Variants in TMEM182 observed in about 807,000 individuals in gnomAD.
The protein encoded by TMEM182 is transmembrane protein 182.
TMEM182 carries 20 observed loss-of-function variants against 26.8 expected under a neutral mutation model. That is an observed-to-expected ratio of 0.75 (90% confidence interval 0.53 to 1.09). TMEM182 has a LOEUF of 1.09. Among genes scored for constraint, TMEM182 ranks in the 50% least tolerant of loss-of-function variants. TMEM182 has a pLI of 0.00. For missense variants in TMEM182, 277 were observed against 275.5 expected, an observed-to-expected ratio of 1.01 and a Z score of -0.04; for synonymous variants, 109 against 102.2, an observed-to-expected ratio of 1.07 and a Z score of -0.40.
intron 3 of TMEM182, among the ~76,000 whole-genome samples, chr2:102,826,078 A>G (rs1683025283): frequency 6.6e-6 from 1 of 152,138 alleles, no homozygotes; most frequent in Non-Finnish European, 1.5e-5. Context: ...CTGGCCACTC[A>G]CTGAGATTTA....
intron 3 of TMEM182, among the ~76,000 whole-genome samples, chr2:102,788,874 G>A (rs1019055268): frequency 6.6e-6 from 1 of 152,198 alleles, no homozygotes; most frequent in African/African-American, 2.4e-5. Flanking sequence ...GGGCCACGCT[G>A]AGCACTGGAC....
intron 4 of TMEM182, among the ~76,000 whole-genome samples, chr2:102,809,789 A>T (rs1318660785): frequency 2.0e-5 from 3 of 152,210 alleles, no homozygotes; most frequent in African/African-American, 7.2e-5. Context: ...TAAATATTGC[A>T]CTACCTTTAG....
chr2:102,815,288 A>G lies in TMEM182; in HGVS notation c.*320A>G. 1 of 1,033,188 alleles carries G rather than the reference A, an allele frequency of 9.7e-7. No individual in the cohort carries two copies. Among genetic ancestry groups the G allele is most frequent in the Non-Finnish European group, 1.2e-6 (1 of 861,794 alleles). The allele number at this position is 1,033,188 out of a possible 1,614,324, so 64.0% of individuals were successfully genotyped here. On this transcript the variant is annotated 3_prime_UTR_variant, in exon 5 of 5. Coordinates refer to ENST00000412401, the MANE Select transcript of TMEM182 (RefSeq NM_144632.5). ...AATAGCTTAATACCATGACATGGGGAAAATCTCGATAGATTTGGCTTAAAG... is the reference window on the plus strand; with the variant it reads ...AATAGCTTAATACCATGACATGGGGGAAATCTCGATAGATTTGGCTTAAAG...
At chr2:102,795,076 T>C (rs995816737) in intron 3 of TMEM182, among the ~76,000 whole-genome samples, 1 of 152,214 alleles carries the variant, frequency 6.6e-6, no homozygotes, top group East Asian at 1.9e-4. Context: ...ATCCCTGTTT[T>C]ATTATTGAGT....
chr2:102,839,497 G>A (rs1448585502), intron 3 of TMEM182, among the ~76,000 whole-genome samples: 1 of 143,286 alleles, frequency 7.0e-6, no homozygotes, highest in Non-Finnish European at 1.5e-5. Context: ...AATAATTCCT[G>A]TCTATATAGT....
At chr2:102,806,806 G>A (rs1682365928) in intron 4 of TMEM182, among the ~76,000 whole-genome samples, 1 of 152,162 alleles carries the variant, frequency 6.6e-6, no homozygotes, top group South Asian at 2.1e-4. Flanking sequence ...TTTTACCAAT[G>A]AAGAAACTGA....
At chr2:102,755,493 T>C (rs1017436155) in intron 1 of TMEM182, among the ~76,000 whole-genome samples, 1 of 152,176 alleles carries the variant, frequency 6.6e-6, no homozygotes, top group Non-Finnish European at 1.5e-5. Flanking sequence ...CATGAGAGTA[T>C]TACCTCACTG....
At chr2:102,781,415 T>C (rs887427689) in intron 3 of TMEM182, among the ~76,000 whole-genome samples, 1 of 152,100 alleles carries the variant, frequency 6.6e-6, no homozygotes. Flanking sequence ...TTTGTAGGCT[T>C]TTGGATTGCA....
At position 102,816,019 on chromosome 2, in the gene TMEM182, A is replaced by G; in HGVS notation, c.*1051A>G. The G allele has an allele frequency of 1.0e-6, 1 of 984,886 alleles. No homozygotes were observed. The highest frequency in any genetic ancestry group is 1.2e-6 in the Non-Finnish European group (1 of 829,468). The allele number at this position is 984,886 out of a possible 1,614,324, so 61.0% of individuals were successfully genotyped here. ...TGTCCCTCAATTTCTTCATCTTTAC[A>G]ATAGATATATTAACATTTACAGATC... On this transcript the variant is annotated 3_prime_UTR_variant, in exon 5 of 5. Transcript: ENST00000412401.
At chr2:102,840,107 G>C (rs1683320475) in intron 3 of TMEM182, among the ~76,000 whole-genome samples, 1 of 152,170 alleles carries the variant, frequency 6.6e-6, no homozygotes, top group South Asian at 2.1e-4. Flanking sequence ...TTTTACATCT[G>C]CCACTAGAGG....
chr2:102,741,266 C>A (rs1679535220), intron 1 of TMEM182, among the ~76,000 whole-genome samples: 2 of 152,044 alleles, frequency 1.3e-5, no homozygotes, highest in African/African-American at 4.8e-5. Flanking sequence ...ATTACTTGAC[C>A]TAAATGTGGC....
At position 102,816,167 on chromosome 2, in the gene TMEM182, A is replaced by C. The variant is rs185418708; in HGVS notation, c.*1199A>C. The C allele has an allele frequency of 2.0e-6, 2 of 985,414 alleles. No individual in the cohort carries two copies. Among genetic ancestry groups the C allele is most frequent in the Non-Finnish European group, 2.4e-6 (2 of 829,938 alleles). 61.0% of individuals were successfully genotyped at this position (985,414 alleles called of 1,614,324 possible). On this transcript the variant is annotated 3_prime_UTR_variant, in exon 5 of 5. Coordinates refer to ENST00000412401, the MANE Select transcript of TMEM182 (RefSeq NM_144632.5). ...TTTGGCACTAATGTTGATTGAAATC[A>C]AATCCATCTGAGATGCCTAGCTCGT...
intron 3 of TMEM182, among the ~76,000 whole-genome samples, chr2:102,784,081 G>GCAGGTA (rs1681284625): frequency 6.6e-6 from 1 of 152,114 alleles, no homozygotes; most frequent in Non-Finnish European, 1.5e-5. Context: ...GCCACTATTT[G>GCAGGTA]CAGGTACAAC....
At position 102,744,144 on chromosome 2, in the gene TMEM182, A is replaced by T. The variant is rs115968044; in HGVS notation, c.-83+7131A>T. 6.5e-3 allele frequency among the ~76,000 whole-genome samples: 991 copies of T among 152,340 alleles called. 13 individuals are homozygous for T. The highest frequency in any genetic ancestry group is 0.023 in the African/African-American group (941 of 41,582). On this transcript the variant is annotated intron_variant, in intron 1 of 5. Transcript: ENST00000409173. ...CTCAAATTGACCTTCACAAAGGTCA[A>T]AGACCACATTCTGGGCCATAAAATA...
chr2:102,762,491 G>A, intron 1 of TMEM182, 96 bp from the exon 2 acceptor site: 1 of 1,524,204 alleles, frequency 6.6e-7, no homozygotes, highest in Non-Finnish European at 8.9e-7. Context: ...TTCATTATTT[G>A]GGATAAAATA....
intron 4 of TMEM182, among the ~76,000 whole-genome samples, chr2:102,800,891 G>T (rs1369408494): frequency 2.0e-5 from 3 of 151,198 alleles, no homozygotes; most frequent in South Asian, 4.2e-4. Context: ...TTTGCAATTT[G>T]TGCAAAAAGC....
At chr2:102,802,667 A>C (rs1280880574) in intron 4 of TMEM182, among the ~76,000 whole-genome samples, 1 of 152,196 alleles carries the variant, frequency 6.6e-6, no homozygotes, top group Non-Finnish European at 1.5e-5. Flanking sequence ...CATTCTAAAC[A>C]TTGGCTTATA....
chr2:102,741,221 A>C (rs182087252), intron 1 of TMEM182, among the ~76,000 whole-genome samples: 190 of 152,312 alleles, frequency 1.2e-3, no homozygotes, highest in African/African-American at 4.4e-3. Flanking sequence ...TGGGACTAGT[A>C]ACTAGTAGGA....
At chr2:102,780,153 T>C (rs1681108842) in intron 3 of TMEM182, among the ~76,000 whole-genome samples, 1 of 152,132 alleles carries the variant, frequency 6.6e-6, no homozygotes, top group African/African-American at 2.4e-5. Flanking sequence ...TCTTTTTCAC[T>C]GAAGTGGTGA....
Sources: allele counts gnomAD v4.1 joint callset (sites outside exome capture counted in the v4.1 genomes callset), GRCh38; gene constraint gnomAD v4.1.1; transcripts MANE v1.5; gene names NCBI Gene and HGNC (gene_info 2026-07-23, HGNC 2026-07-21).